The following HIP1 variants were observed in gnomAD, a reference collection of about 807,000 sequenced individuals.
HIP1 encodes the protein huntingtin interacting protein 1.
Under a neutral mutation model 147.6 loss-of-function variants are expected in HIP1, and 65 were observed. The observed-to-expected ratio is 0.44, with a 90% confidence interval of 0.36 to 0.54. HIP1 has a LOEUF of 0.54. Among genes scored for constraint, HIP1 ranks in the 20% least tolerant of loss-of-function variants. The pLI is 0.00. For synonymous variants in HIP1, 479 were observed against 504.0 expected, an observed-to-expected ratio of 0.95 and a Z score of 0.67; for missense variants, 1,061 against 1,299.6, an observed-to-expected ratio of 0.82 and a Z score of 2.82.
At chr7:75,659,625 G>T (rs1181810716) in intron 1 of HIP1, among the ~76,000 whole-genome samples, 2 of 151,950 alleles carry the variant, frequency 1.3e-5, no homozygotes, top group African/African-American at 2.4e-5. Flanking sequence ...CTCCAGCCTG[G>T]GTGACAGAGC....
intron 4 of HIP1, among the ~76,000 whole-genome samples, 195 bp downstream of exon 4, chr7:75,591,861 G>A (rs1037335056): frequency 1.1e-4 from 17 of 152,218 alleles, no homozygotes; most frequent in South Asian, 6.2e-4. Context: ...TTCCTGAAGC[G>A]TCCAGAGACC....
intron 1 of HIP1, among the ~76,000 whole-genome samples, chr7:75,605,984 G>A (rs140034566): frequency 0.011 from 1,702 of 152,114 alleles, 27 homozygotes; most frequent in African/African-American, 0.039. Context: ...TGAGTAGCTG[G>A]GACCACAGGC....
chr7:75,552,246 A>T (rs1393536065), intron 22 of HIP1, among the ~76,000 whole-genome samples: 2 of 152,174 alleles, frequency 1.3e-5, no homozygotes, highest in African/African-American at 2.4e-5. Context: ...GAAAAAATGA[A>T]AAAAAACTGT....
rs1487818169 is a variant in HIP1 at position 75,537,956 on chromosome 7, G to A, written c.*216C>T. ...CTGGCCAGCCTGGATGCTAACTAGG[G>A]AGGCGGGAAAAGAACAGAGATGACC... On this transcript the variant is annotated 3_prime_UTR_variant, in exon 31 of 31. Coordinates refer to ENST00000336926, the MANE Select transcript of HIP1 (RefSeq NM_005338.7). 7 of 589,612 alleles carry A rather than the reference G, an allele frequency of 1.2e-5. No homozygotes were observed. The highest frequency in any genetic ancestry group is 3.0e-5 in the Admixed American group (1 of 33,416). The allele number at this position is 589,612 out of a possible 1,614,324, so 36.5% of individuals were successfully genotyped here. A position where few individuals can be genotyped will look rare whatever the true frequency, so the allele number is the denominator to read the frequency against.
chr7:75,641,275 C>T (rs1312466110), intron 1 of HIP1, among the ~76,000 whole-genome samples: 3 of 152,080 alleles, frequency 2.0e-5, no homozygotes, highest in Non-Finnish European at 4.4e-5. Context: ...CACTGCACTC[C>T]AGCCTGGGTG....
intron 4 of HIP1, among the ~76,000 whole-genome samples, chr7:75,588,964 A>G (rs1241625547): frequency 1.3e-5 from 2 of 152,112 alleles, no homozygotes; most frequent in African/African-American, 4.8e-5. Flanking sequence ...CAGCCTAGCC[A>G]ACATGGTGAA....
rs373565485 is a variant in HIP1 at position 75,547,743 on chromosome 7, G to A, written c.2465+12C>T. The A allele has an allele frequency of 1.9e-5, 30 of 1,610,164 alleles. No homozygotes were observed. The highest frequency in any genetic ancestry group is 6.7e-5 in the African/African-American group (5 of 74,764). ...CTGCTCCCCTAGGTCCCACCATGCC[G>A]CTCAGACCGACCTTTCATTCACCTC... is the stretch of plus-strand genomic sequence containing the variant. On this transcript the variant is annotated intron_variant, in intron 24 of 30. Coordinates refer to ENST00000336926, the MANE Select transcript of HIP1 (RefSeq NM_005338.7).
chr7:75,598,718 C>A (rs1205414925), intron 2 of HIP1, among the ~76,000 whole-genome samples: 1 of 151,872 alleles, frequency 6.6e-6, no homozygotes, highest in East Asian at 1.9e-4. Context: ...GGGCAATGAG[C>A]AATACCCCAT....
chr7:75,596,574 C>T (rs371634850), intron 2 of HIP1, among the ~76,000 whole-genome samples: 169 of 152,042 alleles, frequency 1.1e-3, no homozygotes, highest in African/African-American at 3.8e-3. Flanking sequence ...TTCAGTAGGA[C>T]GGGGTTTTAC....
At chr7:75,609,119 T>C (rs1031402318) in intron 1 of HIP1, among the ~76,000 whole-genome samples, 5 of 152,230 alleles carry the variant, frequency 3.3e-5, no homozygotes, top group Admixed American at 3.3e-4. Flanking sequence ...ACAAGGCACC[T>C]GTAAGCTCTG....
chr7:75,653,132 G>A (rs1326491465), intron 1 of HIP1, among the ~76,000 whole-genome samples: 1 of 151,570 alleles, frequency 6.6e-6, no homozygotes, highest in African/African-American at 2.4e-5. Context: ...TGTGATTTGG[G>A]TAATAAAGGT....
rs913374300 is a variant in HIP1, at chr7:75,611,756, C to A, written c.121-12509G>T. On this transcript the variant is annotated intron_variant, in intron 1 of 30. Coordinates refer to ENST00000336926, the MANE Select transcript of HIP1 (RefSeq NM_005338.7). ...AGTCACACAGGACCTAAGACCAAGCCGTGTCTCCCCTGAAAGGGTGGCATT... is the reference window on the plus strand; with the variant it reads ...AGTCACACAGGACCTAAGACCAAGCAGTGTCTCCCCTGAAAGGGTGGCATT... 9.6e-6 allele frequency: 10 copies of A among 1,037,178 alleles called. No individual in the cohort carries two copies. In the East Asian group the frequency reaches 5.9e-4, roughly 61 times the overall value. The allele number at this position is 1,037,178 out of a possible 1,614,324, so 64.2% of individuals were successfully genotyped here. A position where few individuals can be genotyped will look rare whatever the true frequency, so the allele number is the denominator to read the frequency against.
At chr7:75,634,612 A>C (rs1304362472) in intron 1 of HIP1, among the ~76,000 whole-genome samples, 1 of 152,050 alleles carries the variant, frequency 6.6e-6, no homozygotes, top group African/African-American at 2.4e-5. Flanking sequence ...ATGGGGTTGC[A>C]GTGAGAACAA....
chr7:75,559,711 C>A, intron 14 of HIP1, 21 bp downstream of exon 14: 1 of 1,210,774 alleles, frequency 8.3e-7, no homozygotes, highest in East Asian at 2.7e-5. Flanking sequence ...GGGCCCGCCC[C>A]CGCCCCCACC....
chr7:75,614,450 A>G (rs1381198504), intron 1 of HIP1, among the ~76,000 whole-genome samples: 1 of 152,178 alleles, frequency 6.6e-6, no homozygotes, highest in African/African-American at 2.4e-5. Flanking sequence ...TGCTACATGA[A>G]AGAAACCAGA....
intron 1 of HIP1, among the ~76,000 whole-genome samples, chr7:75,648,200 G>C (rs991823148): frequency 6.6e-6 from 1 of 152,106 alleles, no homozygotes; most frequent in African/African-American, 2.4e-5. Flanking sequence ...GGGCTGGATG[G>C]AGTAGCTGAG....
chr7:75,592,467 A>G lies in HIP1; in HGVS notation c.232T>C (p.Ser78Pro). 4.3e-6 allele frequency: 7 copies of G among 1,611,788 alleles called. No homozygotes were observed. Among genetic ancestry groups the G allele is most frequent in the Non-Finnish European group, 5.1e-6 (6 of 1,179,542 alleles). Residue 78 changes from serine (S) to proline (P), a missense_variant, in exon 3 of 31, where the codon TCT (serine) becomes CCT (proline). Physicochemically the swap from Ser to Pro is moderately conservative, Grantham distance 74. Transcript: ENST00000336926. ...GACAGAGGCAGGCGGTTGACAACAG[A>G]CCAGAAGGTCTGTGCCCCTTTCTCA... The part of the protein sequence containing the change: ...HHEKGAQTFW[S>P]VVNRLPLSSN...
intron 1 of HIP1, among the ~76,000 whole-genome samples, chr7:75,605,575 C>T (rs1306007742): frequency 6.6e-6 from 1 of 152,180 alleles, no homozygotes; most frequent in Admixed American, 6.5e-5. Context: ...CCCTGTCGCC[C>T]AGGCTGAAGT....
intron 13 of HIP1, 109 bp from the exon 14 acceptor site, chr7:75,560,024 A>C: frequency 9.1e-7 from 1 of 1,094,796 alleles, no homozygotes; most frequent in Non-Finnish European, 1.3e-6. Flanking sequence ...TGATTCCCCT[A>C]AGTCAACTCT....
Sources: allele counts gnomAD v4.1 joint callset (sites outside exome capture counted in the v4.1 genomes callset), GRCh38; gene constraint gnomAD v4.1.1; transcripts MANE v1.5; gene names NCBI Gene and HGNC (gene_info 2026-07-23, HGNC 2026-07-21).